MTRF1: variants seen among roughly 807,000 people sequenced by gnomAD.
The protein encoded by MTRF1 is mitochondrial translation release factor 1.
In MTRF1, 51 loss-of-function variants were observed where a neutral mutation model predicts 62.9. The observed-to-expected ratio is 0.81, with a 90% CI of 0.65 to 1.02. MTRF1 has a LOEUF of 1.02. MTRF1 is among the 50% of genes least tolerant of loss of function. MTRF1 has a pLI of 0.00. For synonymous variants in MTRF1, 158 were observed against 181.9 expected, an observed-to-expected ratio of 0.87 and a Z score of 1.06; for missense variants, 446 against 530.0, an observed-to-expected ratio of 0.84 and a Z score of 1.56.
chr13:41,217,218 C>G lies in MTRF1; in HGVS notation c.1235G>C (p.Cys412Ser), dbSNP rs781281391. The G allele has an allele frequency of 1.9e-6, 3 of 1,598,584 alleles. No homozygotes were observed. Residue 412 changes from cysteine (C) to serine (S), a missense_variant, in exon 10 of 10, where the codon TGT (cysteine) becomes TCT (serine). Physicochemically the swap from Cys to Ser is moderately radical, Grantham distance 112 (BLOSUM62 -1). Coordinates refer to ENST00000379480, the MANE Select transcript of MTRF1 (RefSeq NM_004294.4). The stretch of plus-strand genomic sequence containing the variant: ...TAGCTGATCCAGGCCCTTCCCACCA[C>G]ATAAAAATTCCTGGTAAAAGAGAGA... ...YEVRDIKEFL[C>S]GGKGLDQLIQ...
the MTRF1 span, among the ~76,000 whole-genome samples, chr13:41,300,580 C>T: frequency 2.1e-5 from 3 of 145,598 alleles, no homozygotes; most frequent in Admixed American, 1.4e-4. Context: ...AGCAAGACTC[C>T]GTCTCAAAAA....
intron 5 of MTRF1, among the ~76,000 whole-genome samples, chr13:41,247,840 G>A (rs1028013943): frequency 6.6e-6 from 1 of 151,988 alleles, no homozygotes; most frequent in African/African-American, 2.4e-5. Flanking sequence ...CCACAGAATT[G>A]GTTATTTTCA....
chr13:41,273,102 G>A, the MTRF1 span, among the ~76,000 whole-genome samples: 5 of 152,164 alleles, frequency 3.3e-5, no homozygotes, highest in East Asian at 3.9e-4. Flanking sequence ...CGAGGCGGGT[G>A]GATCACGAGG....
chr13:41,285,557 A>T, the MTRF1 span, among the ~76,000 whole-genome samples: 1 of 152,090 alleles, frequency 6.6e-6, no homozygotes, highest in African/African-American at 2.4e-5. Flanking sequence ...TAAACTTCCC[A>T]TCTTGATCAA....
At chr13:41,257,159 T>C (rs1163978927) in intron 2 of MTRF1, among the ~76,000 whole-genome samples, 1 of 152,144 alleles carries the variant, frequency 6.6e-6, no homozygotes, top group Non-Finnish European at 1.5e-5. Context: ...TCTATTTTGG[T>C]TGGAAGGCAG....
intron 7 of MTRF1, among the ~76,000 whole-genome samples, chr13:41,227,164 G>A (rs2034582580): frequency 6.6e-6 from 1 of 152,044 alleles, no homozygotes; most frequent in Admixed American, 6.6e-5. Flanking sequence ...GCATGTGCCT[G>A]TAGTCCCAGC....
rs147942707 is a variant in MTRF1, at chr13:41,220,323, GGAA to G, written c.1224+2930_1224+2932del. 1.4e-3 allele frequency among the ~76,000 whole-genome samples: 126 copies of G among 93,320 alleles called. 1 individual carries two copies. The highest frequency in any genetic ancestry group is 5.4e-3 in the Middle Eastern group (1 of 186). The allele number at this position is 93,320 out of a possible 152,430, so 61.2% of individuals were successfully genotyped here. On this transcript the variant is annotated intron_variant, in intron 9 of 9. Transcript: ENST00000379480. The stretch of plus-strand genomic sequence containing the variant: ...GGGCAACAGAGTGAGAATCTGTCTC[GGAA>G]AAAAAAAAAAAAAAAAAAAACAGGA...
the MTRF1 span, among the ~76,000 whole-genome samples, chr13:41,271,529 C>T: frequency 6.6e-6 from 1 of 152,232 alleles, no homozygotes; most frequent in Admixed American, 6.5e-5. Flanking sequence ...AGTGTGCCAC[C>T]ATTGAGTCGT....
chr13:41,286,085 C>CAAAAAAAAAAAAAAAAAAAAAAAAAA, the MTRF1 span, among the ~76,000 whole-genome samples: 1 of 41,706 alleles, frequency 2.4e-5, no homozygotes, highest in African/African-American at 5.3e-5. Context: ...ACAACAACAA[C>CAAAAAAAAAAAAAAAAAAAAAAAAAA]AACAAAAAAA....
intron 6 of MTRF1, among the ~76,000 whole-genome samples, chr13:41,240,050 C>T (rs1237451055): frequency 6.6e-6 from 1 of 151,934 alleles, no homozygotes; most frequent in African/African-American, 2.4e-5. Context: ...GTAATTGCAG[C>T]TACTCAGCAG....
the MTRF1 span, among the ~76,000 whole-genome samples, chr13:41,297,004 A>G: frequency 1.3e-5 from 2 of 152,150 alleles, no homozygotes; most frequent in African/African-American, 2.4e-5. Flanking sequence ...TTTCATGGAA[A>G]AGACTAACAA....
At chr13:41,256,513 G>C (rs2039747614) in intron 2 of MTRF1, among the ~76,000 whole-genome samples, 1 of 151,980 alleles carries the variant, frequency 6.6e-6, no homozygotes, top group South Asian at 2.1e-4. Context: ...TTTTAGTAGA[G>C]ACGGGGTTTC....
At chr13:41,266,929 A>G (rs1227253571), upstream of MTRF1, among the ~76,000 whole-genome samples, 2 of 142,106 alleles carry the variant, frequency 1.4e-5, no homozygotes, top group Non-Finnish European at 3.0e-5. Context: ...TGGGAGGCAG[A>G]GTTTGCAGTG....
the MTRF1 span, among the ~76,000 whole-genome samples, chr13:41,294,708 GC>G: frequency 6.6e-6 from 1 of 152,238 alleles, no homozygotes; most frequent in South Asian, 2.1e-4. Context: ...ATAGGATAAA[GC>G]AGAAATTTCA....
At chr13:41,298,686 T>C in the MTRF1 span, among the ~76,000 whole-genome samples, 1 of 152,276 alleles carries the variant, frequency 6.6e-6, no homozygotes, top group African/African-American at 2.4e-5. Context: ...TCACATTTTC[T>C]AGCAAATTCA....
intron 2 of MTRF1, chr13:41,257,870 G>A: frequency 4.7e-5 from 17 of 361,044 alleles, no homozygotes; most frequent in Middle Eastern, 3.8e-4. Context: ...GCATTCAAAT[G>A]AGATAATATT....
At position 41,217,086 on chromosome 13, in the gene MTRF1, T is replaced by A. The variant is rs769154955; in HGVS notation, c.*29A>T. 1.5e-6 allele frequency: 2 copies of A among 1,320,458 alleles called. No homozygotes were observed. Among genetic ancestry groups the A allele is most frequent in the Non-Finnish European group, 1.1e-6 (1 of 937,456 alleles). 81.8% of individuals were successfully genotyped at this position (1,320,458 alleles called of 1,614,324 possible). The stretch of plus-strand genomic sequence containing the variant: ...TCTTGATATAGGTCCATTTCATTTA[T>A]ATAATCATAAATAATAATAAGTTAG... On this transcript the variant is annotated 3_prime_UTR_variant, in exon 10 of 10. Coordinates refer to ENST00000379480, the MANE Select transcript of MTRF1 (RefSeq NM_004294.4).
intron 5 of MTRF1, among the ~76,000 whole-genome samples, chr13:41,243,727 C>A (rs1197240535): frequency 1.3e-5 from 2 of 152,156 alleles, no homozygotes; most frequent in Admixed American, 1.3e-4. Flanking sequence ...TTCTACCACA[C>A]TTTTATTGTA....
upstream of MTRF1, among the ~76,000 whole-genome samples, chr13:41,267,982 A>G (rs1050069168): frequency 6.6e-6 from 1 of 152,146 alleles, no homozygotes; most frequent in Non-Finnish European, 1.5e-5. Flanking sequence ...GGGTTTCATC[A>G]TGTTGCCCAG....
Sources: allele counts gnomAD v4.1 joint callset (sites outside exome capture counted in the v4.1 genomes callset), GRCh38; gene constraint gnomAD v4.1.1; transcripts MANE v1.5; gene names NCBI Gene and HGNC (gene_info 2026-07-23, HGNC 2026-07-21).